Variants in RAPGEF1 observed in about 807,000 individuals in gnomAD.
RAPGEF1 encodes the protein Rap guanine nucleotide exchange factor 1.
RAPGEF1 carries 33 observed loss-of-function variants against 143.3 expected under a neutral mutation model. That is an observed-to-expected ratio of 0.23 (90% CI 0.17 to 0.31). The LOEUF (loss-of-function observed/expected upper bound fraction) is 0.31. Among genes scored for constraint, RAPGEF1 ranks in the 10% least tolerant of loss-of-function variants. The pLI, the probability that RAPGEF1 is intolerant of heterozygous loss-of-function variation, is 1.00. For missense variants in RAPGEF1, 1,199 were observed against 1,645.4 expected (o/e 0.73, Z 4.69); for synonymous variants, 629 against 676.5 (o/e 0.93, Z 1.09).
intron 1 of RAPGEF1, among the ~76,000 whole-genome samples, chr9:131,706,966 C>T (rs1835118557): frequency 6.6e-6 from 1 of 152,214 alleles, no homozygotes; most frequent in Non-Finnish European, 1.5e-5. Flanking sequence ...CTAAACAAAA[C>T]CACAAAATAA....
At chr9:131,701,613 A>G (rs1382723254) in intron 1 of RAPGEF1, among the ~76,000 whole-genome samples, 3 of 152,270 alleles carry the variant, frequency 2.0e-5, no homozygotes, top group Non-Finnish European at 4.4e-5. Flanking sequence ...GATACAATAC[A>G]TAATGGATTG....
At chr9:131,594,678 A>G (rs1209323743) in intron 17 of RAPGEF1, among the ~76,000 whole-genome samples, 2 of 152,104 alleles carry the variant, frequency 1.3e-5, no homozygotes, top group Non-Finnish European at 2.9e-5. Flanking sequence ...TCCTACGTAA[A>G]ACTTTGGTTC....
chr9:131,599,784 A>T (rs1240918684), intron 15 of RAPGEF1, among the ~76,000 whole-genome samples: 2 of 152,126 alleles, frequency 1.3e-5, no homozygotes, highest in East Asian at 3.9e-4. Context: ...TCTTGTGGTC[A>T]TAGGTCACAT....
At chr9:131,580,115 G>A in intron 26 of RAPGEF1, 148 bp downstream of exon 26, 2 of 1,137,880 alleles carry the variant, frequency 1.8e-6, no homozygotes, top group African/African-American at 1.6e-5. Flanking sequence ...CATCCTGGCA[G>A]AAACTGAAGG....
intron 12 of RAPGEF1, among the ~76,000 whole-genome samples, chr9:131,605,900 C>T (rs929703830): frequency 1.4e-4 from 21 of 151,984 alleles, no homozygotes; most frequent in African/African-American, 5.1e-4. Flanking sequence ...ATGGCAAAAC[C>T]CCATCTCTAC....
At chr9:131,608,589 G>A (rs1957487905) in intron 12 of RAPGEF1, among the ~76,000 whole-genome samples, 1 of 152,214 alleles carries the variant, frequency 6.6e-6, no homozygotes, top group Non-Finnish European at 1.5e-5. Context: ...CTTGGACAAA[G>A]GGGCCTGGCC....
chr9:131,660,700 C>T (rs1372310565), intron 1 of RAPGEF1, among the ~76,000 whole-genome samples: 2 of 152,170 alleles, frequency 1.3e-5, no homozygotes, highest in Non-Finnish European at 2.9e-5. Context: ...AGTCAAACTG[C>T]CCCCCACTGA....
At chr9:131,691,652 G>A (rs1179981613) in intron 1 of RAPGEF1, among the ~76,000 whole-genome samples, 1 of 152,150 alleles carries the variant, frequency 6.6e-6, no homozygotes, top group Admixed American at 6.5e-5. Context: ...AAAGGACTTT[G>A]ACAAGAAGAG....
At chr9:131,738,602 T>C (rs1460806285) in intron 1 of RAPGEF1, among the ~76,000 whole-genome samples, 1 of 152,190 alleles carries the variant, frequency 6.6e-6, no homozygotes. Context: ...CAGCCGGAAC[T>C]CACTGAACCT....
intron 17 of RAPGEF1, among the ~76,000 whole-genome samples, chr9:131,593,942 G>A (rs1253090903): frequency 6.6e-6 from 1 of 152,188 alleles, no homozygotes; most frequent in African/African-American, 2.4e-5. Context: ...ACAACTTCGT[G>A]GGACTCGCTG....
At chr9:131,605,977 G>T (rs1248106436) in intron 12 of RAPGEF1, among the ~76,000 whole-genome samples, 1 of 152,142 alleles carries the variant, frequency 6.6e-6, no homozygotes, top group East Asian at 1.9e-4. Flanking sequence ...TGGAGGCTGA[G>T]ATGGGAGGAT....
chr9:131,694,443 T>C (rs1022541905), intron 1 of RAPGEF1, among the ~76,000 whole-genome samples: 1 of 152,258 alleles, frequency 6.6e-6, no homozygotes, highest in Admixed American at 6.5e-5. Flanking sequence ...TTGAAAAGCT[T>C]TGTGCCAAAT....
chr9:131,654,480 G>A (rs1971936991), intron 1 of RAPGEF1, among the ~76,000 whole-genome samples: 1 of 152,196 alleles, frequency 6.6e-6, no homozygotes, highest in Non-Finnish European at 1.5e-5. Context: ...GGAGGCTGGG[G>A]CGGGAGGATC....
At chr9:131,659,740 G>A (rs533717827) in intron 1 of RAPGEF1, among the ~76,000 whole-genome samples, 6 of 152,258 alleles carry the variant, frequency 3.9e-5, no homozygotes, top group African/African-American at 1.2e-4. Flanking sequence ...TGATAACCTC[G>A]TCAGGTCTCT....
chr9:131,644,809 T>C (rs548430095), intron 3 of RAPGEF1, among the ~76,000 whole-genome samples: 4 of 152,030 alleles, frequency 2.6e-5, no homozygotes, highest in Admixed American at 2.6e-4. Flanking sequence ...ATTAAAAAAA[T>C]AAAGTTTAAA....
At chr9:131,670,680 C>T (rs1831234765) in intron 1 of RAPGEF1, among the ~76,000 whole-genome samples, 1 of 152,180 alleles carries the variant, frequency 6.6e-6, no homozygotes, top group Non-Finnish European at 1.5e-5. Context: ...AGTCTCCCGG[C>T]CTCAAGGAAG....
intron 1 of RAPGEF1, among the ~76,000 whole-genome samples, chr9:131,662,114 C>CA (rs1974266286): frequency 6.6e-6 from 1 of 152,206 alleles, no homozygotes; most frequent in Non-Finnish European, 1.5e-5. Context: ...CTGTGCCTTA[C>CA]ATCAGCGGTG....
chr9:131,633,043 A>C (rs539352729), intron 5 of RAPGEF1, among the ~76,000 whole-genome samples: 1 of 152,282 alleles, frequency 6.6e-6, no homozygotes, highest in Admixed American at 6.5e-5. Context: ...GTGTTACCCT[A>C]CTCTGTGACA....
chr9:131,592,095 A>G lies in RAPGEF1; in HGVS notation c.2774+4T>C. 1.2e-6 allele frequency: 2 copies of G among 1,603,144 alleles called. No individual in the cohort carries two copies. Among genetic ancestry groups the G allele is most frequent in the Non-Finnish European group, 1.7e-6 (2 of 1,170,160 alleles). ...GGGGCCCTGGGTCAGGAAGGAAAGG[A>G]TATCTGTACTGCAGCTTCTTGATGA... On this transcript the variant is annotated splice_donor_region_variant and intron_variant, in intron 18 of 26. Transcript: ENST00000683357.
Sources: gnomAD v4.1 joint callset for allele counts (sites outside exome capture counted in the v4.1 genomes callset) on GRCh38, gnomAD v4.1.1 for gene constraint, MANE v1.5 for transcripts, NCBI Gene and HGNC (gene_info 2026-07-23, HGNC 2026-07-21) for gene names.